Variants in VPS35L observed in about 807,000 individuals in gnomAD.
VPS35L encodes the protein VPS35 endosomal protein-sorting factor-like.
VPS35L carries 83 observed loss-of-function variants against 133.0 expected under a neutral mutation model. The ratio of observed to expected loss-of-function variants is 0.62; its 90% confidence interval spans 0.52 to 0.75. VPS35L has a LOEUF of 0.75. Ranked by LOEUF, VPS35L falls within the 30% of genes least tolerant of loss-of-function variation. The probability of loss-of-function intolerance (pLI) is 0.00; values close to 1 mark genes in which losing one functional copy is unlikely to be tolerated. For missense variants in VPS35L, 1,083 were observed against 1,206.8 expected (o/e 0.90, Z 1.52); for synonymous variants, 423 against 449.9 (o/e 0.94, Z 0.76).
chr16:19,636,191 AAAT>A (rs1473490920), intron 19 of VPS35L, among the ~76,000 whole-genome samples: 1 of 152,156 alleles, frequency 6.6e-6, no homozygotes, highest in Non-Finnish European at 1.5e-5. Context: ...CTGTCTCAAA[AAAT>A]AATAATAAAA....
chr16:19,673,942 G>A (rs1333988288), intron 27 of VPS35L, among the ~76,000 whole-genome samples: 1 of 152,178 alleles, frequency 6.6e-6, no homozygotes, highest in Non-Finnish European at 1.5e-5. Context: ...AACGTTTGCA[G>A]TGTGCCTTAT....
chr16:19,563,181 C>A (rs1971080376), intron 1 of VPS35L, among the ~76,000 whole-genome samples: 1 of 151,764 alleles, frequency 6.6e-6, no homozygotes, highest in East Asian at 1.9e-4. Flanking sequence ...TTAAAATGCT[C>A]AAAGAAGGCT....
At chr16:19,674,044 C>A (rs530053750) in intron 27 of VPS35L, among the ~76,000 whole-genome samples, 1 of 152,076 alleles carries the variant, frequency 6.6e-6, no homozygotes, top group African/African-American at 2.4e-5. Flanking sequence ...GGATGTTTAT[C>A]CTGAATAGCC....
At chr16:19,692,445 C>T (rs576257717) in intron 29 of VPS35L, among the ~76,000 whole-genome samples, 5 of 152,264 alleles carry the variant, frequency 3.3e-5, no homozygotes, top group Non-Finnish European at 5.9e-5. Context: ...TATTCAGAGC[C>T]GTTGATATTT....
chr16:19,674,814 C>T (rs1975006643), intron 27 of VPS35L, among the ~76,000 whole-genome samples: 1 of 152,070 alleles, frequency 6.6e-6, no homozygotes, highest in African/African-American at 2.4e-5. Context: ...CAATATTTGT[C>T]TTCCTGCAAC....
rs1975682629 is a variant in VPS35L, at chr16:19,691,465, G to A, written c.2640G>A (p.Lys880=). Residue 880 remains lysine, a synonymous_variant, in exon 29 of 31, where the codon AAG becomes AAA. Coordinates refer to ENST00000417362, the MANE Select transcript of VPS35L (RefSeq NM_020314.7). The part of the protein sequence containing the change: ...QILEHLKTLA[K]DEALKRQSSL... The stretch of plus-strand genomic sequence containing the variant: ...TAGAGCATCTGAAAACCCTGGCCAA[G>A]GACGAGGTGGGTGCCCTCTGCTGTC... The A allele has an allele frequency of 1.9e-6, 3 of 1,612,346 alleles. No homozygotes were observed. The highest frequency in any genetic ancestry group is 1.7e-5 in the Admixed American group (1 of 59,998).
intron 19 of VPS35L, among the ~76,000 whole-genome samples, chr16:19,635,466 AAG>A (rs1253200596): frequency 6.6e-6 from 1 of 152,208 alleles, no homozygotes; most frequent in African/African-American, 2.4e-5. Context: ...ACACAGACTA[AAG>A]AGACGTGAAA....
At chr16:19,571,806 A>G (rs12927813) in intron 3 of VPS35L, among the ~76,000 whole-genome samples, 23,816 of 150,990 alleles carry the variant, frequency 0.16, 1,959 homozygotes, top group Middle Eastern at 0.19. Flanking sequence ...TGGCCTCCCA[A>G]AGTGCTGGGA....
At position 19,691,361 on chromosome 16, in the gene VPS35L, A is replaced by T; in HGVS notation, c.2536A>T (p.Asn846Tyr). Residue 846 changes from asparagine to tyrosine, a missense_variant, in exon 29 of 31, where the codon AAC becomes TAC. Asn to Tyr is a moderately radical substitution (Grantham distance 143). Coordinates refer to ENST00000417362, the MANE Select transcript of VPS35L (RefSeq NM_020314.7). Reference protein sequence around the residue: ...YLYHIDKVDSNDSLYGGDSKF... With the variant: ...YLYHIDKVDSYDSLYGGDSKF... Reference sequence around the variant, plus strand: ...TCTTGTTTGTTCAACAGTGGACTCCAACGACAGCCTCTACGGGGGAGACTC... The same window carrying T: ...TCTTGTTTGTTCAACAGTGGACTCCTACGACAGCCTCTACGGGGGAGACTC... The T allele has an allele frequency of 6.2e-7, 1 of 1,613,434 alleles. No individual in the cohort carries two copies. Among genetic ancestry groups the T allele is most frequent in the Admixed American group, 1.7e-5 (1 of 60,002 alleles).
chr16:19,645,390 C>T (rs1005195229), intron 23 of VPS35L, among the ~76,000 whole-genome samples: 2 of 151,544 alleles, frequency 1.3e-5, no homozygotes, highest in African/African-American at 4.8e-5. Flanking sequence ...CCCGGGTTCA[C>T]GCCATTCTCC....
intron 27 of VPS35L, among the ~76,000 whole-genome samples, chr16:19,671,936 C>T (rs867051313): frequency 6.6e-6 from 1 of 152,176 alleles, no homozygotes; most frequent in African/African-American, 2.4e-5. Context: ...CTCCCAGAGT[C>T]TCACTCAGTA....
In VPS35L at chr16:19,628,715, G is replaced by A. The variant is rs1206685849; in HGVS notation, c.1462G>A (p.Glu488Lys). The change falls in exon 17 of 31, where the codon GAA (glutamate) becomes AAA (lysine). Residue 488 changes from glutamate to lysine, a missense_variant. Physicochemically the swap from Glu to Lys is moderately conservative, Grantham distance 56. Transcript: ENST00000417362. ...PESDRLQILN[E>K]AWKVITKLKN... ...GAGTGACCGACTTCAGATTCTCAACGAAGCTTGGAAAGTCATCACTAAGCT... is the reference window on the plus strand; with the variant it reads ...GAGTGACCGACTTCAGATTCTCAACAAAGCTTGGAAAGTCATCACTAAGCT... 9 of 1,594,946 alleles carry A rather than the reference G, an allele frequency of 5.6e-6. No homozygotes were observed. In the African/African-American group the frequency reaches 8.1e-5, roughly 14 times the overall value.
chr16:19,636,940 A>G (rs1973640659), intron 19 of VPS35L, among the ~76,000 whole-genome samples: 1 of 152,194 alleles, frequency 6.6e-6, no homozygotes, highest in African/African-American at 2.4e-5. Context: ...TAACTCTACC[A>G]GCACACTCTG....
chr16:19,591,883 C>A lies in VPS35L; in HGVS notation c.724+9C>A, dbSNP rs1228450183. The stretch of plus-strand genomic sequence containing the variant: ...CATACTTGATACATTTGGTAAGTAC[C>A]TGTCATATGCATCTTAGATCTAGGA... On this transcript the variant is annotated intron_variant, in intron 8 of 30. Transcript: ENST00000417362. 6.4e-7 allele frequency: 1 copy of A among 1,568,368 alleles called. No homozygotes were observed. The highest frequency in any genetic ancestry group is 8.8e-7 in the Non-Finnish European group (1 of 1,139,018).
At chr16:19,651,025 C>A (rs1234320383) in intron 25 of VPS35L, among the ~76,000 whole-genome samples, 2 of 151,808 alleles carry the variant, frequency 1.3e-5, no homozygotes, top group Admixed American at 6.6e-5. Flanking sequence ...ATTACAGACG[C>A]GTGCCACCAT....
intron 26 of VPS35L, among the ~76,000 whole-genome samples, chr16:19,664,455 G>A (rs978249953): frequency 6.6e-6 from 1 of 151,854 alleles, no homozygotes; most frequent in Non-Finnish European, 1.5e-5. Context: ...AAGAAAAAGG[G>A]GTCTCAAATA....
intron 26 of VPS35L, among the ~76,000 whole-genome samples, chr16:19,665,596 T>C (rs1974638010): frequency 6.6e-6 from 1 of 152,228 alleles, no homozygotes; most frequent in South Asian, 2.1e-4. Context: ...GACACTTAGA[T>C]TGCTTCCAAA....
intron 26 of VPS35L, among the ~76,000 whole-genome samples, chr16:19,668,667 G>A (rs993211923): frequency 2.6e-5 from 4 of 151,818 alleles, no homozygotes; most frequent in African/African-American, 9.7e-5. Context: ...AAAATGGTGT[G>A]CACTAGAATA....
rs535398619 is a variant in VPS35L, at chr16:19,682,510, G to A, written c.2527+120G>A. The A allele has an allele frequency of 1.8e-5, 20 of 1,117,188 alleles. No individual in the cohort carries two copies. In the South Asian group the frequency reaches 2.3e-4, roughly 13 times the overall value. 69.2% of individuals were successfully genotyped at this position (1,117,188 alleles called of 1,614,324 possible). ...GTATTTTAGCTTCCATGAACTTCTA[G>A]TCCAGGGTCTCACTGTATTTACCTG... On this transcript the variant is annotated intron_variant, in intron 28 of 30. Transcript: ENST00000417362.
Sources: gnomAD v4.1 joint callset for allele counts (sites outside exome capture counted in the v4.1 genomes callset) on GRCh38, gnomAD v4.1.1 for gene constraint, MANE v1.5 for transcripts, NCBI Gene and HGNC (gene_info 2026-07-23, HGNC 2026-07-21) for gene names.